The following CRADD variants were observed in gnomAD, a reference collection of about 807,000 sequenced individuals.
CRADD encodes CARD and death domain containing adaptor protein.
CRADD carries 9 observed loss-of-function variants against 15.5 expected under a neutral mutation model. The ratio of observed to expected loss-of-function variants is 0.58; its 90% confidence interval spans 0.35 to 1.01. The LOEUF is 1.01. Ranked by LOEUF, CRADD falls within the 50% of genes least tolerant of loss-of-function variation. CRADD has a pLI of 0.02. For missense variants in CRADD, 227 were observed against 250.3 expected, an observed-to-expected ratio of 0.91 and a Z score of 0.63; for synonymous variants, 118 against 107.6, an observed-to-expected ratio of 1.10 and a Z score of -0.60.
chr12:93,704,690 C>T (rs563164861), intron 2 of CRADD, among the ~76,000 whole-genome samples: 21 of 152,336 alleles, frequency 1.4e-4, no homozygotes, highest in Admixed American at 7.2e-4. Flanking sequence ...TAGGACTTTA[C>T]ATTGCACTGA....
intron 2 of CRADD, among the ~76,000 whole-genome samples, chr12:93,829,910 C>T (rs1011468099): frequency 2.6e-5 from 4 of 152,036 alleles, no homozygotes; most frequent in Admixed American, 2.6e-4. Flanking sequence ...CAGGGTGGTC[C>T]TGAACTCCTG....
At chr12:93,804,140 A>G (rs761023674) in intron 2 of CRADD, among the ~76,000 whole-genome samples, 46 of 152,044 alleles carry the variant, frequency 3.0e-4, no homozygotes, top group Non-Finnish European at 1.0e-4. Flanking sequence ...ACACCATCCC[A>G]TACAAAACAC....
intron 2 of CRADD, among the ~76,000 whole-genome samples, chr12:93,805,577 T>TA (rs1957528000): frequency 1.3e-5 from 2 of 150,818 alleles, no homozygotes; most frequent in African/African-American, 4.9e-5. Context: ...TTTGTGTGTA[T>TA]AAATAAATAA....
rs1187320270 is a variant in CRADD at position 93,714,201 on chromosome 12, TA to T, written c.298+35132del. Among the ~76,000 whole-genome samples, 5 of 152,348 alleles carry T rather than the reference TA, an allele frequency of 3.3e-5. No individual in the cohort carries two copies. In the East Asian group the frequency reaches 9.6e-4, roughly 29 times the overall value. On this transcript the variant is annotated intron_variant, in intron 2 of 2. Transcript: ENST00000332896. ...CACTATACATAATTCAAGAAGAGGCTAAATAGCTGCTTAATGAGGTTGTTTA... is the reference window on the plus strand; with the variant it reads ...CACTATACATAATTCAAGAAGAGGCTAATAGCTGCTTAATGAGGTTGTTTA...
intron 2 of CRADD, among the ~76,000 whole-genome samples, chr12:93,867,474 T>G (rs536527339): frequency 6.6e-6 from 1 of 150,418 alleles, no homozygotes; most frequent in Non-Finnish European, 1.5e-5. Flanking sequence ...TGTAATTTGC[T>G]CTCTTAATGA....
In CRADD at chr12:93,691,882, A is replaced by T. The variant is rs536763067; in HGVS notation, c.298+12810A>T. ...AAAATGAGAAATTTTGAAATTATTT[A>T]AAAAAATCAAATAGAAATTCTGGAG... On this transcript the variant is annotated intron_variant, in intron 2 of 2. Coordinates refer to ENST00000332896, the MANE Select transcript of CRADD (RefSeq NM_003805.5). Among the ~76,000 whole-genome samples, 186 of 152,278 alleles carry T rather than the reference A, an allele frequency of 1.2e-3. 1 individual carries two copies. Among genetic ancestry groups the T allele is most frequent in the African/African-American group, 4.1e-3 (169 of 41,560 alleles).
At chr12:93,837,083 G>C (rs937940313) in intron 2 of CRADD, among the ~76,000 whole-genome samples, 1 of 152,108 alleles carries the variant, frequency 6.6e-6, no homozygotes, top group Non-Finnish European at 1.5e-5. Context: ...CTCGTGCAAG[G>C]CTCTCTGGTT....
intron 2 of CRADD, among the ~76,000 whole-genome samples, chr12:93,861,641 G>T (rs557379737): frequency 6.6e-6 from 1 of 152,148 alleles, no homozygotes; most frequent in Non-Finnish European, 1.5e-5. Context: ...CAAGGAGTCC[G>T]CTCAGGCCTT....
chr12:93,821,126 A>G (rs373250872), intron 2 of CRADD, among the ~76,000 whole-genome samples: 3 of 152,338 alleles, frequency 2.0e-5, no homozygotes, highest in Non-Finnish European at 2.9e-5. Context: ...TTTACCTAAA[A>G]TATAGACCCA....
chr12:93,760,797 C>T (rs1018219534), intron 2 of CRADD, among the ~76,000 whole-genome samples: 3 of 152,106 alleles, frequency 2.0e-5, no homozygotes, highest in African/African-American at 7.2e-5. Flanking sequence ...GGTGCCTCCA[C>T]AGTTCTCTGC....
chr12:93,810,057 C>T (rs1957603271), intron 2 of CRADD, among the ~76,000 whole-genome samples: 1 of 152,178 alleles, frequency 6.6e-6, no homozygotes, highest in Admixed American at 6.5e-5. Context: ...GTGTAAAGTA[C>T]ACTCTCTAAA....
rs374898335 is a variant in CRADD, at chr12:93,832,482, TAA to T, written c.299-17487_299-17486del. On this transcript the variant is annotated intron_variant, in intron 2 of 2. Coordinates refer to ENST00000332896, the MANE Select transcript of CRADD (RefSeq NM_003805.5). ...AGGTTTGGCATTAATAAGGAAAACATAAGTCCATCAGAATTGTTATTTTATAG... is the reference window on the plus strand; with the variant it reads ...AGGTTTGGCATTAATAAGGAAAACATGTCCATCAGAATTGTTATTTTATAG... Among the ~76,000 whole-genome samples, 54 of 152,308 alleles carry T rather than the reference TAA, an allele frequency of 3.5e-4. No individual in the cohort carries two copies. In the East Asian group the frequency reaches 7.5e-3, roughly 21 times the overall value.
intron 2 of CRADD, chr12:93,848,553 G>A (rs890787748): frequency 1.3e-5 from 2 of 152,278 alleles, no homozygotes; most frequent in African/African-American, 4.8e-5. Context: ...TTGGATGTTT[G>A]GAGTCCGTCT....
intron 2 of CRADD, among the ~76,000 whole-genome samples, chr12:93,719,912 A>T (rs1956229171): frequency 1.3e-5 from 2 of 151,558 alleles, no homozygotes; most frequent in Admixed American, 1.3e-4. Flanking sequence ...TTTTCCATTG[A>T]TTTCTTGTGT....
At chr12:93,744,953 CTG>C (rs1185997612) in intron 2 of CRADD, among the ~76,000 whole-genome samples, 1 of 152,162 alleles carries the variant, frequency 6.6e-6, no homozygotes, top group Non-Finnish European at 1.5e-5. Context: ...TGGTTTTCCT[CTG>C]CACTCTGATT....
At chr12:93,849,766 G>A (rs995430188) in intron 2 of CRADD, among the ~76,000 whole-genome samples, 4 of 149,784 alleles carry the variant, frequency 2.7e-5, no homozygotes, top group Admixed American at 6.6e-5. Context: ...AAAAGTTTCT[G>A]TAAAAACATT....
chr12:93,863,575 T>C (rs1052599904), intron 2 of CRADD, among the ~76,000 whole-genome samples: 19 of 150,398 alleles, frequency 1.3e-4, no homozygotes, highest in Admixed American at 1.1e-3. Context: ...CTATGTGGCC[T>C]TTGAAAATGT....
intron 2 of CRADD, among the ~76,000 whole-genome samples, chr12:93,720,891 T>C (rs1956248898): frequency 6.6e-6 from 1 of 152,252 alleles, no homozygotes; most frequent in African/African-American, 2.4e-5. Context: ...TTAGTGTGTT[T>C]AGACCATTGG....
intron 2 of CRADD, among the ~76,000 whole-genome samples, chr12:93,869,976 C>A (rs982523540): frequency 6.6e-6 from 1 of 151,852 alleles, no homozygotes; most frequent in Non-Finnish European, 1.5e-5. Flanking sequence ...AAATTCATAT[C>A]TAGGCACATA....
Sources: gnomAD v4.1 joint callset for allele counts (sites outside exome capture counted in the v4.1 genomes callset) on GRCh38, gnomAD v4.1.1 for gene constraint, MANE v1.5 for transcripts, NCBI Gene and HGNC (gene_info 2026-07-23, HGNC 2026-07-21) for gene names.